The following TYW1B variants were observed in gnomAD, a reference collection of about 807,000 sequenced individuals.
TYW1B encodes the protein tRNA-yW synthesizing protein 1 homolog B.
Under a neutral mutation model 86.9 loss-of-function variants are expected in TYW1B, and 73 were observed. The observed-to-expected ratio is 0.84, with a 90% CI of 0.70 to 1.02. TYW1B has a LOEUF of 1.02. Ranked by LOEUF, TYW1B falls within the 50% of genes least tolerant of loss-of-function variation. The probability of loss-of-function intolerance (pLI) is 0.00; values close to 1 mark genes in which losing one functional copy is unlikely to be tolerated. For missense variants in TYW1B, 637 were observed against 827.4 expected (o/e 0.77, Z 2.82); for synonymous variants, 248 against 292.8 (o/e 0.85, Z 1.56).
At chr7:72,715,220 A>C (rs1786755843) in intron 9 of TYW1B, among the ~76,000 whole-genome samples, 1 of 151,952 alleles carries the variant, frequency 6.6e-6, no homozygotes, top group Non-Finnish European at 1.5e-5. Context: ...CAATGTGTAG[A>C]CAAGTTTAGT....
At chr7:72,686,129 C>T (rs1328511770) in intron 11 of TYW1B, among the ~76,000 whole-genome samples, 1 of 152,144 alleles carries the variant, frequency 6.6e-6, no homozygotes, top group African/African-American at 2.4e-5. Flanking sequence ...AATGGTACAG[C>T]CACTTTGGAA....
chr7:72,598,967 A>G (rs1260369562), intron 13 of TYW1B, among the ~76,000 whole-genome samples: 1 of 152,220 alleles, frequency 6.6e-6, no homozygotes, highest in African/African-American at 2.4e-5. Context: ...CATTTAAGAA[A>G]GGAATAACAT....
intron 11 of TYW1B, among the ~76,000 whole-genome samples, chr7:72,668,639 C>G (rs60806406): frequency 0.01 from 1,578 of 152,284 alleles, 33 homozygotes; most frequent in African/African-American, 0.036. Context: ...TCGCCAAACT[C>G]TGCCTGCTTC....
intron 13 of TYW1B, among the ~76,000 whole-genome samples, chr7:72,594,047 A>C (rs1811469105): frequency 6.6e-6 from 1 of 151,936 alleles, no homozygotes; most frequent in South Asian, 2.1e-4. Flanking sequence ...TTATAGCTAT[A>C]AACACTGATT....
intron 11 of TYW1B, among the ~76,000 whole-genome samples, chr7:72,688,191 G>A (rs1483345753): frequency 6.6e-6 from 1 of 152,164 alleles, no homozygotes; most frequent in African/African-American, 2.4e-5. Flanking sequence ...TAAAGTATGA[G>A]TCATTTTCTT....
chr7:72,807,039 C>T lies in TYW1B; in HGVS notation c.723+27G>A, dbSNP rs535805075. 8 of 1,602,766 alleles carry T rather than the reference C, an allele frequency of 5.0e-6. No homozygotes were observed. In the African/African-American group the frequency reaches 1.1e-4, roughly 21 times the overall value. On this transcript the variant is annotated intron_variant, in intron 5 of 13. Transcript: ENST00000620995. ...ATCTCCAAGCAGAGGGGGAAAGCATCAAGAGATGAACACACAGGCGGTATA... is the reference window on the plus strand; with the variant it reads ...ATCTCCAAGCAGAGGGGGAAAGCATTAAGAGATGAACACACAGGCGGTATA...
chr7:72,652,099 C>T (rs1199739437), intron 11 of TYW1B, among the ~76,000 whole-genome samples: 1 of 152,004 alleles, frequency 6.6e-6, no homozygotes, highest in Non-Finnish European at 1.5e-5. Context: ...TGTTTGGGGC[C>T]GGGCGTGGTG....
chr7:72,655,723 T>C (rs1347079238), intron 11 of TYW1B, among the ~76,000 whole-genome samples: 2 of 152,202 alleles, frequency 1.3e-5, no homozygotes, highest in African/African-American at 2.4e-5. Flanking sequence ...TAGCAACCCC[T>C]GGCAGGGCCG....
At chr7:72,765,194 T>C (rs1216366002) in intron 7 of TYW1B, among the ~76,000 whole-genome samples, 1 of 152,154 alleles carries the variant, frequency 6.6e-6, no homozygotes, top group Non-Finnish European at 1.5e-5. Context: ...ATCCTTAAGA[T>C]TGTACGTGAG....
chr7:72,665,651 G>A (rs1432023344), intron 11 of TYW1B, among the ~76,000 whole-genome samples: 15 of 152,108 alleles, frequency 9.9e-5, no homozygotes, highest in African/African-American at 3.6e-4. Flanking sequence ...AAGTGGTTGC[G>A]CTTTGTTTAC....
intron 10 of TYW1B, among the ~76,000 whole-genome samples, chr7:72,703,093 C>T (rs1563064883): frequency 6.8e-6 from 1 of 146,276 alleles, no homozygotes; most frequent in South Asian, 2.1e-4. Context: ...GGCACTATCT[C>T]GGCTCACTGC....
chr7:72,700,155 CTTTTTTTTTTTTTTTTTTTT>C (rs587689485), intron 10 of TYW1B, among the ~76,000 whole-genome samples: 11 of 74,246 alleles, frequency 1.5e-4, no homozygotes, highest in East Asian at 6.3e-4. Context: ...AGCTTTTACA[CTTTTTTTTTTTTTTTTTTTT>C]TTTTTTTTTT....
At chr7:72,756,198 AT>A (rs1172511484) in intron 7 of TYW1B, among the ~76,000 whole-genome samples, 3 of 105,536 alleles carry the variant, frequency 2.8e-5, no homozygotes, top group African/African-American at 9.6e-5. Context: ...CCAGTTTATT[AT>A]TTTTTTATTT....
chr7:72,612,263 A>C (rs1554436055), intron 13 of TYW1B, among the ~76,000 whole-genome samples: 1 of 152,188 alleles, frequency 6.6e-6, no homozygotes, highest in African/African-American at 2.4e-5. Context: ...AAATCAGTAC[A>C]GTAATGAATA....
At chr7:72,795,262 T>C (rs1272830184) in intron 6 of TYW1B, among the ~76,000 whole-genome samples, 2 of 151,986 alleles carry the variant, frequency 1.3e-5, no homozygotes, top group African/African-American at 4.8e-5. Context: ...AACAAAAAAA[T>C]CCACTGCAAA....
chr7:72,596,385 C>T (rs1811533052), intron 13 of TYW1B, among the ~76,000 whole-genome samples: 1 of 151,978 alleles, frequency 6.6e-6, no homozygotes, highest in South Asian at 2.1e-4. Context: ...TCCCTGATTT[C>T]AAAACTTACA....
intron 11 of TYW1B, among the ~76,000 whole-genome samples, chr7:72,668,115 C>T (rs1238213822): frequency 6.6e-6 from 1 of 152,182 alleles, no homozygotes; most frequent in African/African-American, 2.4e-5. Context: ...TGATCCACTG[C>T]TACATTAATG....
chr7:72,793,302 A>C (rs1788250695), intron 6 of TYW1B, among the ~76,000 whole-genome samples: 1 of 151,926 alleles, frequency 6.6e-6, no homozygotes, highest in South Asian at 2.1e-4. Flanking sequence ...GCATCACTGC[A>C]CTCCAGCCTG....
chr7:72,767,223 G>A (rs1554468638), intron 7 of TYW1B, among the ~76,000 whole-genome samples: 4 of 151,994 alleles, frequency 2.6e-5, no homozygotes, highest in Non-Finnish European at 1.5e-5. Flanking sequence ...GCCTACCCTC[G>A]GACTGCCGTC....
Sources: gnomAD v4.1 joint callset for allele counts (sites outside exome capture counted in the v4.1 genomes callset) on GRCh38, gnomAD v4.1.1 for gene constraint, MANE v1.5 for transcripts, NCBI Gene and HGNC (gene_info 2026-07-23, HGNC 2026-07-21) for gene names.